The following FGD4 variants were observed in gnomAD, a reference collection of about 807,000 sequenced individuals.
FGD4 encodes FYVE, RhoGEF and PH domain containing 4.
FGD4 carries 42 observed loss-of-function variants against 102.0 expected under a neutral mutation model. That is an observed-to-expected ratio of 0.41 (90% CI 0.32 to 0.53). The LOEUF (loss-of-function observed/expected upper bound fraction) is 0.53, where lower values mean the gene tolerates loss of function less well. Ranked by LOEUF, FGD4 falls within the 20% of genes least tolerant of loss-of-function variation. The probability of loss-of-function intolerance (pLI) is 0.21; values close to 1 mark genes in which losing one functional copy is unlikely to be tolerated. For synonymous variants in FGD4, 380 were observed against 375.7 expected, an observed-to-expected ratio of 1.01 and a Z score of -0.13; for missense variants, 902 against 1,078.2, an observed-to-expected ratio of 0.84 and a Z score of 2.29.
intron 3 of FGD4, among the ~76,000 whole-genome samples, chr12:32,577,138 A>T (rs1021458508): frequency 1.3e-5 from 2 of 152,178 alleles, no homozygotes; most frequent in South Asian, 2.1e-4. Context: ...CAGAACCCAC[A>T]TAAGTTGCTT....
At chr12:32,627,919 G>T (rs1212672298) in intron 14 of FGD4, among the ~76,000 whole-genome samples, 1 of 152,158 alleles carries the variant, frequency 6.6e-6, no homozygotes, top group Non-Finnish European at 1.5e-5. Context: ...TAAGTTCAGA[G>T]ATGTATGGTA....
Position 32,561,070 on chromosome 12 carries a change from G to GTTTTTTTTTTTTTTTTTTTTTTT in FGD4, c.167-3063_167-3062insTTTTTTTTTTTTTTTTTTTTTTT, listed in dbSNP as rs1267043755. The stretch of plus-strand genomic sequence containing the variant: ...AGCAGAAATGTGGTTTCTTTGTTGG[G>GTTTTTTTTTTTTTTTTTTTTTTT]TTTTGTTTTTTTTTTTTTTTTTTTT... On this transcript the variant is annotated intron_variant, in intron 1 of 16. Transcript: ENST00000534526. Among the ~76,000 whole-genome samples the GTTTTTTTTTTTTTTTTTTTTTTT allele has an allele frequency of 1.2e-4, 11 of 90,786 alleles. 4 individuals are homozygous for GTTTTTTTTTTTTTTTTTTTTTTT. Among genetic ancestry groups the GTTTTTTTTTTTTTTTTTTTTTTT allele is most frequent in the Admixed American group, 2.7e-4 (2 of 7,358 alleles). 59.6% of individuals were successfully genotyped at this position (90,786 alleles called of 152,430 possible).
At chr12:32,639,040 A>C in intron 16 of FGD4, 2 of 1,078,532 alleles carry the variant, frequency 1.9e-6, no homozygotes, top group Non-Finnish European at 2.5e-6. Flanking sequence ...GTTTGAGAAA[A>C]GATGAGTTGA....
chr12:32,580,032 A>G (rs983897278), intron 3 of FGD4, among the ~76,000 whole-genome samples: 2 of 152,174 alleles, frequency 1.3e-5, no homozygotes, highest in African/African-American at 4.8e-5. Context: ...CGTTACCTGC[A>G]CAGGGGAAGA....
At chr12:32,563,289 C>T (rs1320873829) in intron 1 of FGD4, among the ~76,000 whole-genome samples, 2 of 146,402 alleles carry the variant, frequency 1.4e-5, no homozygotes, top group East Asian at 4.2e-4. Flanking sequence ...TCAGACGGGG[C>T]GGCCGGGCAG....
rs770338218 is a variant in FGD4, at chr12:32,643,420, G to C, written c.*2887G>C. The C allele has an allele frequency of 6.6e-6, 1 of 152,166 alleles. No individual in the cohort carries two copies. The highest frequency in any genetic ancestry group is 2.4e-5 in the African/African-American group (1 of 41,398). 9.4% of individuals were successfully genotyped at this position (152,166 alleles called of 1,614,324 possible). A position where few individuals can be genotyped will look rare whatever the true frequency, so the allele number is the denominator to read the frequency against. On this transcript the variant is annotated 3_prime_UTR_variant, in exon 17 of 17. Coordinates refer to ENST00000534526, the MANE Select transcript of FGD4 (RefSeq NM_001370298.3). ...AATTCGAATTGCAGAGTATAAGGAAGGGAAATGGGAAGGGGCATCATTCCT... is the reference window on the plus strand; with the variant it reads ...AATTCGAATTGCAGAGTATAAGGAACGGAAATGGGAAGGGGCATCATTCCT...
intron 16 of FGD4, among the ~76,000 whole-genome samples, chr12:32,640,042 GTC>G (rs1206977412): frequency 6.6e-6 from 1 of 152,062 alleles, no homozygotes; most frequent in Admixed American, 6.6e-5. Flanking sequence ...AGGGTGTAGT[GTC>G]TCTGAGTCCT....
At chr12:32,598,127 A>G (rs1304056445) in intron 4 of FGD4, among the ~76,000 whole-genome samples, 2 of 152,216 alleles carry the variant, frequency 1.3e-5, no homozygotes, top group African/African-American at 4.8e-5. Context: ...AAAAATTAAT[A>G]AATGTATAGA....
intron 1 of FGD4, among the ~76,000 whole-genome samples, chr12:32,463,479 A>G (rs1273298369): frequency 1.3e-5 from 2 of 152,258 alleles, no homozygotes; most frequent in African/African-American, 4.8e-5. Flanking sequence ...TTAAAGGTAA[A>G]TAACGTATTC....
chr12:32,473,548 G>A (rs540531421), intron 1 of FGD4, among the ~76,000 whole-genome samples: 1 of 151,948 alleles, frequency 6.6e-6, no homozygotes, highest in South Asian at 2.1e-4. Context: ...AACATCAGAA[G>A]GGACAGACTC....
chr12:32,479,735 A>C, intron 1 of FGD4, among the ~76,000 whole-genome samples: 1 of 149,290 alleles, frequency 6.7e-6, no homozygotes, highest in African/African-American at 2.5e-5. Context: ...TATTTTTTCC[A>C]CTTGACCTTC....
chr12:32,548,183 C>T lies in FGD4; in HGVS notation c.167-15954C>T, dbSNP rs149278510. Among the ~76,000 whole-genome samples the T allele has an allele frequency of 5.0e-3, 756 of 152,144 alleles. 5 individuals are homozygous for T. The highest frequency in any genetic ancestry group is 0.017 in the African/African-American group (691 of 41,480). On this transcript the variant is annotated intron_variant, in intron 1 of 16. Transcript: ENST00000534526. Reference sequence around the variant, plus strand: ...AGTTGAGAAAAGGCCATTTTGAAAACGATTTTTTCCAGGGAGCATACGCTA... The same window carrying T: ...AGTTGAGAAAAGGCCATTTTGAAAATGATTTTTTCCAGGGAGCATACGCTA...
chr12:32,466,892 A>T (rs1258513979), intron 1 of FGD4, among the ~76,000 whole-genome samples: 1 of 148,292 alleles, frequency 6.7e-6, no homozygotes, highest in African/African-American at 2.5e-5. Context: ...AAAAAAAAAA[A>T]TTAGCAATTA....
chr12:32,402,538 C>T (rs1451660237), intron 1 of FGD4, among the ~76,000 whole-genome samples: 2 of 151,808 alleles, frequency 1.3e-5, no homozygotes, highest in Admixed American at 1.3e-4. Context: ...GCTTCGAACT[C>T]ATGGGCTCAA....
intron 1 of FGD4, chr12:32,502,450 C>T (rs753982019): frequency 1.1e-4 from 52 of 492,594 alleles, no homozygotes; most frequent in Non-Finnish European, 1.2e-4. Flanking sequence ...AAACCTCCAG[C>T]GTCATACACT....
At chr12:32,464,804 G>A (rs536930886) in intron 1 of FGD4, among the ~76,000 whole-genome samples, 2 of 152,308 alleles carry the variant, frequency 1.3e-5, no homozygotes, top group South Asian at 4.1e-4. Context: ...CTTACATCCT[G>A]TGCTTCTAAG....
intron 1 of FGD4, among the ~76,000 whole-genome samples, chr12:32,432,223 C>A (rs1374410051): frequency 2.0e-5 from 3 of 151,740 alleles, no homozygotes; most frequent in Non-Finnish European, 2.9e-5. Context: ...CCATGCCCAG[C>A]TAATTTTTTG....
chr12:32,631,851 G>A (rs982885870), intron 14 of FGD4, among the ~76,000 whole-genome samples: 17 of 152,080 alleles, frequency 1.1e-4, no homozygotes, highest in Admixed American at 3.9e-4. Context: ...CTGTCACTGA[G>A]TTTGATTGAA....
At chr12:32,490,363 A>G (rs1443387560) in intron 1 of FGD4, among the ~76,000 whole-genome samples, 1 of 151,904 alleles carries the variant, frequency 6.6e-6, no homozygotes, top group East Asian at 1.9e-4. Context: ...GATAAAATAG[A>G]AAATATATAT....
Sources: gnomAD v4.1 joint callset for allele counts (sites outside exome capture counted in the v4.1 genomes callset) on GRCh38, gnomAD v4.1.1 for gene constraint, MANE v1.5 for transcripts, NCBI Gene and HGNC (gene_info 2026-07-23, HGNC 2026-07-21) for gene names.